The following CACNB2 variants were observed in gnomAD, a reference collection of about 807,000 sequenced individuals.
The protein encoded by CACNB2 is voltage-dependent L-type calcium channel subunit beta-2.
A neutral mutation model predicts 73.3 loss-of-function variants in CACNB2; 42 were observed. The observed-to-expected ratio is 0.57, with a 90% CI of 0.45 to 0.74. CACNB2 has a LOEUF of 0.74. CACNB2 is among the 30% of genes least tolerant of loss of function. CACNB2 has a pLI of 0.00. For synonymous variants in CACNB2, 348 were observed against 310.3 expected (o/e 1.12, Z -1.28); for missense variants, 940 against 853.0 (o/e 1.10, Z -1.27).
chr10:18,432,081 T>C (rs2045916429), intron 3 of CACNB2, among the ~76,000 whole-genome samples: 1 of 152,200 alleles, frequency 6.6e-6, no homozygotes, highest in Non-Finnish European at 1.5e-5. Context: ...TTATTTATGT[T>C]TGTAAAGAAA....
At chr10:18,500,316 G>T (rs1277492118) in intron 4 of CACNB2, among the ~76,000 whole-genome samples, 1 of 152,176 alleles carries the variant, frequency 6.6e-6, no homozygotes, top group East Asian at 1.9e-4. Context: ...CACAAGTAGA[G>T]AAATCATCTG....
intron 2 of CACNB2, among the ~76,000 whole-genome samples, chr10:18,280,985 A>G (rs112051143): frequency 2.0e-4 from 30 of 152,354 alleles, no homozygotes; most frequent in African/African-American, 6.7e-4. Flanking sequence ...TACACAGATT[A>G]GGAAACAGCT....
At chr10:18,359,380 T>A (rs533693012) in intron 2 of CACNB2, among the ~76,000 whole-genome samples, 1 of 152,224 alleles carries the variant, frequency 6.6e-6, no homozygotes, top group South Asian at 2.1e-4. Flanking sequence ...CAAGTGATTC[T>A]CCCACCTCAG....
intron 2 of CACNB2, among the ~76,000 whole-genome samples, chr10:18,227,047 T>G (rs1427418186): frequency 6.6e-6 from 1 of 152,090 alleles, no homozygotes; most frequent in African/African-American, 2.4e-5. Flanking sequence ...CAGCCCACAT[T>G]AGAGGCAGAA....
At chr10:18,485,560 T>C (rs201160790) in intron 3 of CACNB2, among the ~76,000 whole-genome samples, 75 of 91,820 alleles carry the variant, frequency 8.2e-4, no homozygotes, top group Non-Finnish European at 8.6e-4. Context: ...CTCTCTCTCT[T>C]TTTTTTTTTT....
chr10:18,376,747 C>T (rs895767721), intron 2 of CACNB2, among the ~76,000 whole-genome samples: 1 of 152,074 alleles, frequency 6.6e-6, no homozygotes, highest in Non-Finnish European at 1.5e-5. Context: ...GGAGGGTTAT[C>T]TTAAGGCTGG....
At chr10:18,245,770 A>G (rs766173615) in intron 2 of CACNB2, among the ~76,000 whole-genome samples, 12 of 152,138 alleles carry the variant, frequency 7.9e-5, no homozygotes, top group Non-Finnish European at 1.5e-4. Flanking sequence ...AGCAAGGTAT[A>G]GTCTAGTAAT....
chr10:18,230,592 G>A (rs2036187679), intron 2 of CACNB2, among the ~76,000 whole-genome samples: 1 of 152,118 alleles, frequency 6.6e-6, no homozygotes, highest in South Asian at 2.1e-4. Context: ...AAAGGAAGGT[G>A]AGAAAAACAC....
intron 2 of CACNB2, chr10:18,341,092 G>C (rs1379275564): frequency 8.3e-6 from 9 of 1,086,714 alleles, no homozygotes; most frequent in Non-Finnish European, 8.5e-6. Flanking sequence ...TAACTTTTTA[G>C]ACTTTCTTAT....
intron 2 of CACNB2, among the ~76,000 whole-genome samples, chr10:18,202,956 T>C (rs576264526): frequency 6.6e-6 from 1 of 152,314 alleles, no homozygotes; most frequent in Admixed American, 6.5e-5. Flanking sequence ...TTTTCATCAC[T>C]GGGAAAGCTG....
chr10:18,142,868 A>G (rs903202884), intron 1 of CACNB2, among the ~76,000 whole-genome samples: 1 of 152,226 alleles, frequency 6.6e-6, no homozygotes, highest in Non-Finnish European at 1.5e-5. Flanking sequence ...AGTTCTGACT[A>G]GTAAATGGCT....
At chr10:18,534,011 C>A in intron 10 of CACNB2, 65 bp from the exon 11 acceptor site, 1 of 1,504,734 alleles carries the variant, frequency 6.6e-7, no homozygotes, top group Non-Finnish European at 9.2e-7. Context: ...GTTGAAGAAA[C>A]AGTATACCAT....
chr10:18,216,785 C>T (rs1446569093), intron 2 of CACNB2, among the ~76,000 whole-genome samples: 1 of 152,060 alleles, frequency 6.6e-6, no homozygotes, highest in East Asian at 1.9e-4. Context: ...CTCCAAATTC[C>T]AAAACAGAGG....
At chr10:18,319,479 G>C (rs1483572394) in intron 2 of CACNB2, among the ~76,000 whole-genome samples, 3 of 152,016 alleles carry the variant, frequency 2.0e-5, no homozygotes. Context: ...GATGGCATTA[G>C]GACAAATGCC....
intron 2 of CACNB2, among the ~76,000 whole-genome samples, chr10:18,394,250 C>G (rs2043614490): frequency 6.6e-6 from 1 of 152,178 alleles, no homozygotes; most frequent in Admixed American, 6.6e-5. Context: ...GCCACTGCGC[C>G]TGGCCCAAAT....
intron 3 of CACNB2, among the ~76,000 whole-genome samples, chr10:18,416,088 T>A (rs970641220): frequency 6.6e-6 from 1 of 152,132 alleles, no homozygotes; most frequent in Non-Finnish European, 1.5e-5. Context: ...AAACACTGAA[T>A]TGATTCCTTC....
At chr10:18,194,413 G>A (rs993755188) in intron 2 of CACNB2, among the ~76,000 whole-genome samples, 11 of 152,150 alleles carry the variant, frequency 7.2e-5, no homozygotes, top group African/African-American at 1.7e-4. Context: ...CTATAGCTCA[G>A]TTTGTCAGGG....
At chr10:18,356,639 AT>A (rs199790817) in intron 2 of CACNB2, among the ~76,000 whole-genome samples, 159 of 144,124 alleles carry the variant, frequency 1.1e-3, no homozygotes, top group Middle Eastern at 3.6e-3. Context: ...TTTCTCCTTC[AT>A]TTTTTTTTTT....
chr10:18,432,535 T>G (rs1175165606), intron 3 of CACNB2, among the ~76,000 whole-genome samples: 1 of 151,914 alleles, frequency 6.6e-6, no homozygotes, highest in Non-Finnish European at 1.5e-5. Flanking sequence ...AAAAATACAT[T>G]TTCAAAAACA....
Sources: allele counts gnomAD v4.1 joint callset (sites outside exome capture counted in the v4.1 genomes callset), GRCh38; gene constraint gnomAD v4.1.1; transcripts MANE v1.5; gene names NCBI Gene and HGNC (gene_info 2026-07-23, HGNC 2026-07-21).